The following SYT1 variants were observed in gnomAD, a reference collection of about 807,000 sequenced individuals.
SYT1 encodes the protein synaptotagmin-1.
SYT1 carries 8 observed loss-of-function variants against 44.8 expected under a neutral mutation model. The ratio of observed to expected loss-of-function variants is 0.18; its 90% confidence interval spans 0.10 to 0.32. SYT1 has a LOEUF of 0.32. SYT1 is among the 10% of genes least tolerant of loss of function. SYT1 has a pLI of 1.00. For missense variants in SYT1, 286 were observed against 509.3 expected, an observed-to-expected ratio of 0.56 and a Z score of 4.22; for synonymous variants, 154 against 188.8, an observed-to-expected ratio of 0.82 and a Z score of 1.51.
chr12:79,051,839 G>A (rs1354727160), intron 3 of SYT1, among the ~76,000 whole-genome samples: 1 of 152,026 alleles, frequency 6.6e-6, no homozygotes, highest in African/African-American at 2.4e-5. Context: ...GATAGCTGTA[G>A]ATATGCGGCA....
chr12:78,903,564 C>A (rs1023425693), intron 1 of SYT1, among the ~76,000 whole-genome samples: 1 of 151,992 alleles, frequency 6.6e-6, no homozygotes, highest in African/African-American at 2.4e-5. Context: ...GGATTACAGG[C>A]GTGACCCACC....
chr12:79,435,233 TTA>T (rs1870019085), intron 9 of SYT1, among the ~76,000 whole-genome samples: 1 of 152,164 alleles, frequency 6.6e-6, no homozygotes, highest in Admixed American at 6.5e-5. Context: ...ACTGTTGGAT[TTA>T]TGTTAGATAG....
chr12:79,336,644 T>C (rs1242051605), intron 8 of SYT1, among the ~76,000 whole-genome samples: 1 of 152,090 alleles, frequency 6.6e-6, no homozygotes, highest in Non-Finnish European at 1.5e-5. Context: ...CATTCATTCA[T>C]TGAGACAGGA....
At chr12:79,090,426 G>T (rs1845541367) in intron 3 of SYT1, among the ~76,000 whole-genome samples, 1 of 151,728 alleles carries the variant, frequency 6.6e-6, no homozygotes, top group Non-Finnish European at 1.5e-5. Flanking sequence ...AATTATTATG[G>T]TATCTCAAAA....
At chr12:79,374,562 T>C (rs1883918064) in intron 9 of SYT1, among the ~76,000 whole-genome samples, 1 of 152,070 alleles carries the variant, frequency 6.6e-6, no homozygotes, top group African/African-American at 2.4e-5. Context: ...GAAAAACAGA[T>C]GATGTAAAGA....
chr12:79,360,682 T>C (rs1481262812), intron 9 of SYT1, among the ~76,000 whole-genome samples: 13 of 152,240 alleles, frequency 8.5e-5, no homozygotes, highest in Admixed American at 8.5e-4. Flanking sequence ...ATAATTTGGC[T>C]GTGATGTCAG....
At chr12:78,948,547 T>G (rs984733253) in intron 1 of SYT1, among the ~76,000 whole-genome samples, 2 of 152,058 alleles carry the variant, frequency 1.3e-5, no homozygotes, top group Non-Finnish European at 2.9e-5. Context: ...GAAGCCATAT[T>G]CATTCTGCTT....
chr12:79,205,775 T>A (rs1252416830), intron 3 of SYT1, among the ~76,000 whole-genome samples: 1 of 152,236 alleles, frequency 6.6e-6, no homozygotes, highest in East Asian at 1.9e-4. Flanking sequence ...ACTTGGCTCA[T>A]GGATTTATTT....
intron 3 of SYT1, among the ~76,000 whole-genome samples, chr12:79,139,404 T>C (rs1869413931): frequency 6.6e-6 from 1 of 152,230 alleles, no homozygotes. Flanking sequence ...AGAATGATTT[T>C]TGATGATGAC....
chr12:79,025,627 A>G (rs1309713128), intron 2 of SYT1, among the ~76,000 whole-genome samples: 1 of 151,550 alleles, frequency 6.6e-6, no homozygotes, highest in Non-Finnish European at 1.5e-5. Context: ...TATATATGAT[A>G]TATGTATGTA....
In SYT1 at chr12:79,041,975, C is replaced by T. The variant is rs893942290; in HGVS notation, c.-83-5322C>T. Among the ~76,000 whole-genome samples the T allele has an allele frequency of 2.8e-3, 428 of 152,146 alleles. 2 individuals carry two copies. The highest frequency in any genetic ancestry group is 9.8e-3 in the African/African-American group (408 of 41,500). On this transcript the variant is annotated intron_variant, in intron 2 of 10. Transcript: ENST00000261205. ...CAGCCTTGCATCCCAGTGATGAAGCCCACTTGATCATGGTGGATAAGCTTT... is the reference window on the plus strand; with the variant it reads ...CAGCCTTGCATCCCAGTGATGAAGCTCACTTGATCATGGTGGATAAGCTTT...
At chr12:78,989,757 A>G (rs1765877681) in intron 2 of SYT1, among the ~76,000 whole-genome samples, 1 of 152,114 alleles carries the variant, frequency 6.6e-6, no homozygotes, top group South Asian at 2.1e-4. Flanking sequence ...AGTATGAGTT[A>G]TTACTTGTGA....
At chr12:78,902,577 C>G (rs1875724323) in intron 1 of SYT1, among the ~76,000 whole-genome samples, 1 of 152,020 alleles carries the variant, frequency 6.6e-6, no homozygotes, top group Non-Finnish European at 1.5e-5. Flanking sequence ...TATAGCAATA[C>G]TATTGATGAA....
chr12:78,912,565 G>A (rs965866620), intron 1 of SYT1, among the ~76,000 whole-genome samples: 1 of 151,810 alleles, frequency 6.6e-6, no homozygotes, highest in Non-Finnish European at 1.5e-5. Flanking sequence ...TTTAGGAAGT[G>A]TATATAAATG....
At chr12:79,076,419 C>A (rs1331829552) in intron 3 of SYT1, among the ~76,000 whole-genome samples, 1 of 151,984 alleles carries the variant, frequency 6.6e-6, no homozygotes, top group African/African-American at 2.4e-5. Flanking sequence ...TAGAATGTTA[C>A]CAAAATTTTC....
intron 8 of SYT1, among the ~76,000 whole-genome samples, chr12:79,308,656 G>GAA (rs1880604566): frequency 7.7e-6 from 1 of 129,166 alleles, no homozygotes; most frequent in Non-Finnish European, 1.7e-5. Flanking sequence ...AAGAAAGAAA[G>GAA]AAAAGAGAAG....
intron 4 of SYT1, among the ~76,000 whole-genome samples, chr12:79,280,544 A>G (rs1878990104): frequency 6.6e-6 from 1 of 152,116 alleles, no homozygotes; most frequent in South Asian, 2.1e-4. Context: ...CCAAAACCAT[A>G]AAGATTCTAA....
At chr12:79,069,913 C>T (rs931206740) in intron 3 of SYT1, among the ~76,000 whole-genome samples, 1 of 151,802 alleles carries the variant, frequency 6.6e-6, no homozygotes, top group Admixed American at 6.6e-5. Context: ...TCTCATTGTC[C>T]AACAGAATCA....
At chr12:79,139,778 GAA>G (rs1869441242) in intron 3 of SYT1, among the ~76,000 whole-genome samples, 1 of 152,154 alleles carries the variant, frequency 6.6e-6, no homozygotes, top group Non-Finnish European at 1.5e-5. Flanking sequence ...TACCCCAAGA[GAA>G]AGAATTGTCA....
Sources: gnomAD v4.1 joint callset for allele counts (sites outside exome capture counted in the v4.1 genomes callset) on GRCh38, gnomAD v4.1.1 for gene constraint, MANE v1.5 for transcripts, NCBI Gene and HGNC (gene_info 2026-07-23, HGNC 2026-07-21) for gene names.